CLNK: variants seen among roughly 807,000 people sequenced by gnomAD.
The protein encoded by CLNK is cytokine-dependent hematopoietic cell linker.
CLNK carries 74 observed loss-of-function variants against 68.6 expected under a neutral mutation model. The observed-to-expected ratio is 1.08, with a 90% CI of 0.89 to 1.31. The LOEUF (loss-of-function observed/expected upper bound fraction) is 1.31. Among genes scored for constraint, CLNK ranks in the 50% most tolerant of loss-of-function variants. CLNK has a pLI of 0.00. For synonymous variants in CLNK, 198 were observed against 172.2 expected (o/e 1.15, Z -1.17); for missense variants, 553 against 515.3 (o/e 1.07, Z -0.71).
chr4:10,519,806 A>G (rs1199756136), intron 15 of CLNK, among the ~76,000 whole-genome samples: 1 of 152,176 alleles, frequency 6.6e-6, no homozygotes, highest in African/African-American at 2.4e-5. Flanking sequence ...TGCCTACTAC[A>G]TGGCAGGCAG....
chr4:10,514,406 T>A (rs1204256000), intron 15 of CLNK, among the ~76,000 whole-genome samples: 1 of 151,900 alleles, frequency 6.6e-6, no homozygotes, highest in Non-Finnish European at 1.5e-5. Flanking sequence ...AACAGAGATA[T>A]AGATCAATGG....
At chr4:10,600,317 A>G (rs1192240425) in intron 2 of CLNK, among the ~76,000 whole-genome samples, 1 of 151,998 alleles carries the variant, frequency 6.6e-6, no homozygotes, top group African/African-American at 2.4e-5. Flanking sequence ...ATACCTCTCT[A>G]TGGCCATTCA....
At chr4:10,567,081 A>C (rs1237273809) in intron 5 of CLNK, among the ~76,000 whole-genome samples, 2 of 151,134 alleles carry the variant, frequency 1.3e-5, no homozygotes, top group African/African-American at 4.9e-5. Flanking sequence ...AGATAATCCT[A>C]AAATTCTTAA....
chr4:10,566,249 C>G, intron 5 of CLNK, 99 bp from the exon 6 acceptor site: 1 of 1,134,650 alleles, frequency 8.8e-7, no homozygotes. Flanking sequence ...ACCTTCTTAG[C>G]TGCAAGTTAA....
At chr4:10,726,017 G>A in the CLNK span, among the ~76,000 whole-genome samples, 1 of 152,170 alleles carries the variant, frequency 6.6e-6, no homozygotes, top group African/African-American at 2.4e-5. Flanking sequence ...CAGAGGCTGT[G>A]AGCAAGGTGT....
the CLNK span, among the ~76,000 whole-genome samples, chr4:10,700,753 A>G: frequency 6.6e-6 from 1 of 152,170 alleles, no homozygotes; most frequent in Non-Finnish European, 1.5e-5. Context: ...AAAATTACCT[A>G]TAAAAATCCC....
intron 2 of CLNK, among the ~76,000 whole-genome samples, chr4:10,632,385 A>T (rs143700286): frequency 6.4e-4 from 97 of 152,386 alleles, no homozygotes; most frequent in Non-Finnish European, 1.1e-3. Context: ...GCAGGAATTC[A>T]ACAGGAATAC....
chr4:10,700,280 C>T, the CLNK span, among the ~76,000 whole-genome samples: 1 of 151,982 alleles, frequency 6.6e-6, no homozygotes, highest in Non-Finnish European at 1.5e-5. Context: ...GCTTTGGGAG[C>T]GATATGATTA....
the CLNK span, among the ~76,000 whole-genome samples, chr4:10,732,060 A>T: frequency 6.6e-6 from 1 of 152,256 alleles, no homozygotes; most frequent in Admixed American, 6.5e-5. Flanking sequence ...AGCCACCATC[A>T]TATAGCATTT....
intron 17 of CLNK, among the ~76,000 whole-genome samples, chr4:10,506,210 T>G (rs1360078013): frequency 2.0e-5 from 3 of 152,232 alleles, no homozygotes; most frequent in Non-Finnish European, 4.4e-5. Context: ...CTTTTCTCCT[T>G]TTGGCCACAT....
At chr4:10,634,624 A>G (rs532123420) in intron 2 of CLNK, among the ~76,000 whole-genome samples, 2 of 152,202 alleles carry the variant, frequency 1.3e-5, no homozygotes, top group East Asian at 1.9e-4. Context: ...CAGTTGCCCT[A>G]TTGCTTCTCA....
the CLNK span, among the ~76,000 whole-genome samples, chr4:10,720,711 A>T: frequency 1.9e-5 from 2 of 103,778 alleles, no homozygotes; most frequent in African/African-American, 5.9e-5. Flanking sequence ...AAATGCTGAC[A>T]AGGATATGTT....
chr4:10,612,976 AT>A (rs1177896103), intron 2 of CLNK, among the ~76,000 whole-genome samples: 1 of 152,212 alleles, frequency 6.6e-6, no homozygotes. Flanking sequence ...TAGGCTAGAA[AT>A]TTTTACCAAA....
intron 4 of CLNK, among the ~76,000 whole-genome samples, chr4:10,577,580 G>A (rs1720614522): frequency 1.3e-5 from 2 of 152,174 alleles, no homozygotes. Flanking sequence ...CCCTGAAGTT[G>A]TTACGCACTT....
At chr4:10,704,420 T>C in the CLNK span, among the ~76,000 whole-genome samples, 1 of 152,204 alleles carries the variant, frequency 6.6e-6, no homozygotes, top group Admixed American at 6.5e-5. Flanking sequence ...TAGGAAACAA[T>C]GGAACTGCAA....
rs1419866110 is a variant in CLNK at position 10,487,893 on chromosome 4, CCCTT to C, written c.*2570_*2573del. On this transcript the variant is annotated 3_prime_UTR_variant, in exon 19 of 19. Transcript: ENST00000226951. ...CCATACCCATACTTCTGTTTCTTCTCCCTTTTATCTTTCTCAAACATTAACCTCC... is the reference window on the plus strand; with the variant it reads ...CCATACCCATACTTCTGTTTCTTCTCTTATCTTTCTCAAACATTAACCTCC... 6.6e-6 allele frequency: 1 copy of C among 152,126 alleles called. No individual in the cohort carries two copies. Among genetic ancestry groups the C allele is most frequent in the Non-Finnish European group, 1.5e-5 (1 of 68,038 alleles). 9.4% of individuals were successfully genotyped at this position (152,126 alleles called of 1,614,324 possible). A position where few individuals can be genotyped will look rare whatever the true frequency, so the allele number is the denominator to read the frequency against.
At chr4:10,625,941 G>A (rs1722651009) in intron 2 of CLNK, among the ~76,000 whole-genome samples, 1 of 152,238 alleles carries the variant, frequency 6.6e-6, no homozygotes, top group Non-Finnish European at 1.5e-5. Flanking sequence ...TCTCTGTAGT[G>A]GGCACATTCA....
At chr4:10,541,500 C>T (rs1719024827) in intron 10 of CLNK, among the ~76,000 whole-genome samples, 1 of 151,940 alleles carries the variant, frequency 6.6e-6, no homozygotes, top group African/African-American at 2.4e-5. Flanking sequence ...CAAGAGTGGC[C>T]AGTCACTCAG....
intron 2 of CLNK, among the ~76,000 whole-genome samples, chr4:10,651,558 C>T (rs1041487718): frequency 6.6e-6 from 1 of 152,058 alleles, no homozygotes; most frequent in Non-Finnish European, 1.5e-5. Flanking sequence ...TTATGATTTC[C>T]TTTGCCAGTT....
Sources: gnomAD v4.1 joint callset for allele counts (sites outside exome capture counted in the v4.1 genomes callset) on GRCh38, gnomAD v4.1.1 for gene constraint, MANE v1.5 for transcripts, NCBI Gene and HGNC (gene_info 2026-07-23, HGNC 2026-07-21) for gene names.